KIFC3: variants seen among roughly 807,000 people sequenced by gnomAD.
KIFC3 encodes the protein kinesin-like protein KIFC3.
A neutral mutation model predicts 101.8 loss-of-function variants in KIFC3; 60 were observed. The observed-to-expected ratio is 0.59, with a 90% CI of 0.48 to 0.73. The LOEUF is 0.73. Among genes scored for constraint, KIFC3 ranks in the 30% least tolerant of loss-of-function variants. KIFC3 has a pLI of 0.00. For missense variants in KIFC3, 966 were observed against 1,137.1 expected, an observed-to-expected ratio of 0.85 and a Z score of 2.16; for synonymous variants, 476 against 482.7, an observed-to-expected ratio of 0.99 and a Z score of 0.18.
At chr16:57,766,006 A>G (rs536533789) in intron 10 of KIFC3, among the ~76,000 whole-genome samples, 4 of 152,326 alleles carry the variant, frequency 2.6e-5, no homozygotes, top group South Asian at 4.1e-4. Flanking sequence ...TTGGGCCCCA[A>G]TGAGCAAAGA....
At chr16:57,792,865 C>CAAAAAAAAAAAAAAAAA (rs35129462) in intron 3 of KIFC3, among the ~76,000 whole-genome samples, 1 of 38,424 alleles carries the variant, frequency 2.6e-5, no homozygotes, top group Non-Finnish European at 5.0e-5. Context: ...AGACCTTGCT[C>CAAAAAAAAAAAAAAAAA]AAAAAAAAAA....
chr16:57,802,972 T>C, upstream of KIFC3: 1 of 1,535,702 alleles, frequency 6.5e-7, no homozygotes, highest in African/African-American at 1.4e-5. This position sits in a 1 kb window ranked among gnomAD's most constrained non-coding sequence, Gnocchi z 5.0. Flanking sequence ...AGACAATACA[T>C]GTACATCCCT....
At chr16:57,828,575 C>T (rs1555631188) in intron 1 of KIFC3, among the ~76,000 whole-genome samples, 1 of 152,240 alleles carries the variant, frequency 6.6e-6, no homozygotes, top group Admixed American at 6.5e-5. Flanking sequence ...ACCAGGGTCC[C>T]AGCCTGGGTT....
At chr16:57,774,925 G>GC in intron 3 of KIFC3, 1 of 1,467,256 alleles carries the variant, frequency 6.8e-7, no homozygotes, top group Non-Finnish European at 9.0e-7. Flanking sequence ...CTCCTTCCAC[G>GC]CCCCCTCCCT....
chr16:57,853,580 T>C (rs1198451667), intron 1 of KIFC3, among the ~76,000 whole-genome samples: 1 of 152,198 alleles, frequency 6.6e-6, no homozygotes, highest in Non-Finnish European at 1.5e-5. Context: ...GTAAATAGTC[T>C]AAATACACCA....
At chr16:57,803,894 C>T (rs1457137146), upstream of KIFC3, among the ~76,000 whole-genome samples, 2 of 152,176 alleles carry the variant, frequency 1.3e-5, no homozygotes, top group Admixed American at 6.5e-5. Flanking sequence ...CAGCAGTGAT[C>T]CAGGGGACCG....
chr16:57,772,478 T>C (rs2051381386), intron 3 of KIFC3, 190 bp from the exon 4 acceptor site: 2 of 537,308 alleles, frequency 3.7e-6, no homozygotes, highest in East Asian at 3.2e-5. Context: ...GGGCTGGTGC[T>C]GACAGCCTCC....
At chr16:57,807,666 A>G (rs2054966492), upstream of KIFC3, 1 of 152,236 alleles carries the variant, frequency 6.6e-6, no homozygotes, top group Non-Finnish European at 1.5e-5. Context: ...TCTTTCCCCC[A>G]AGAAAATCAC....
At chr16:57,758,978 A>C (rs563095643) in intron 19 of KIFC3, 69 bp from the exon 20 acceptor site, 1 of 1,539,658 alleles carries the variant, frequency 6.5e-7, no homozygotes, top group Admixed American at 2.0e-5. Flanking sequence ...GTTGCCACCG[A>C]GAGCAGGAGG....
intron 3 of KIFC3, among the ~76,000 whole-genome samples, chr16:57,793,971 A>G (rs1555621495): frequency 6.6e-6 from 1 of 152,250 alleles, no homozygotes; most frequent in African/African-American, 2.4e-5. Flanking sequence ...CTGCCCTGTT[A>G]CAAGGCTAGT....
At chr16:57,831,321 C>G (rs1447717027) in intron 1 of KIFC3, among the ~76,000 whole-genome samples, 1 of 152,188 alleles carries the variant, frequency 6.6e-6, no homozygotes, top group Non-Finnish European at 1.5e-5. Context: ...CAACTCCCAC[C>G]CAGCGCCTTC....
intron 3 of KIFC3, chr16:57,779,244 C>T (rs982895244): frequency 1.3e-5 from 2 of 152,174 alleles, no homozygotes; most frequent in African/African-American, 4.8e-5. Flanking sequence ...TGCAATATTA[C>T]TCAGCCTTAA....
chr16:57,768,533 A>ACACACACACACG lies in KIFC3; in HGVS notation c.1218+1061_1218+1062insCGTGTGTGTGTG, dbSNP rs782552995. Among the ~76,000 whole-genome samples the ACACACACACACG allele has an allele frequency of 4.8e-3, 735 of 151,688 alleles. 9 individuals are homozygous for ACACACACACACG. The highest frequency in any genetic ancestry group is 0.027 in the South Asian group (127 of 4,764). ...CTCACACACACACACACACACACAC[A>ACACACACACACG]CACGCACAATTGGCTTAAGCATGCT... On this transcript the variant is annotated intron_variant, in intron 9 of 19. Transcript: ENST00000445690.
chr16:57,806,094 A>T (rs552864973), upstream of KIFC3, among the ~76,000 whole-genome samples: 1 of 152,296 alleles, frequency 6.6e-6, no homozygotes, highest in South Asian at 2.1e-4. Context: ...TCGTCAGAGA[A>T]GTGGCCAAGA....
chr16:57,774,687 T>TC, intron 3 of KIFC3: 1 of 323,046 alleles, frequency 3.1e-6, no homozygotes, highest in Non-Finnish European at 5.2e-6. Context: ...CACGCCCGGC[T>TC]AATTTTTTTT....
At chr16:57,813,623 G>A in intron 1 of KIFC3, 1 of 938,490 alleles carries the variant, frequency 1.1e-6, no homozygotes, top group South Asian at 4.9e-5. Context: ...CCTGCCGAGT[G>A]CCTGCATGAC....
rs554807227 is a variant in KIFC3, at chr16:57,851,336, G to C, written c.108+11393C>G. Among the ~76,000 whole-genome samples the C allele has an allele frequency of 6.6e-5, 10 of 152,124 alleles. No individual in the cohort carries two copies. In the East Asian group the frequency reaches 1.9e-3, roughly 29 times the overall value. On this transcript the variant is annotated intron_variant, in intron 1 of 2. Coordinates refer to the KIFC3 transcript ENST00000563028. Reference sequence around the variant, plus strand: ...GGCCTATTATTTTTCATCTCTCTCTGTTTGTTCTAGTTCCTGGAAAATTTC... The same window carrying C: ...GGCCTATTATTTTTCATCTCTCTCTCTTTGTTCTAGTTCCTGGAAAATTTC...
In KIFC3 at chr16:57,769,824, C is replaced by T; in HGVS notation, c.1071G>A (p.Val357=). 6.2e-7 allele frequency: 1 copy of T among 1,613,500 alleles called. No individual in the cohort carries two copies. The highest frequency in any genetic ancestry group is 8.5e-7 in the Non-Finnish European group (1 of 1,179,996). The part of the protein sequence containing the change: ...FARAQVEMKA[V]HENLAGVRTN... The stretch of plus-strand genomic sequence containing the variant: ...TCAGCTCACCTGCTAGATTCTCGTG[C>T]ACAGCCTTCATCTCCACCTGGGCTC... Residue 357 remains valine (V), a synonymous_variant, in exon 8 of 20, where the codon GTG becomes GTA. Transcript: ENST00000445690. This position sits in a 1 kb window ranked among gnomAD's most constrained non-coding sequence, Gnocchi z 4.3.
At chr16:57,793,230 G>C (rs2054023986) in intron 3 of KIFC3, among the ~76,000 whole-genome samples, 1 of 151,774 alleles carries the variant, frequency 6.6e-6, no homozygotes, top group Non-Finnish European at 1.5e-5. Flanking sequence ...AGGTTGCAGT[G>C]GGCTGCAATC....
Sources: allele counts gnomAD v4.1 joint callset (sites outside exome capture counted in the v4.1 genomes callset), GRCh38; gene constraint gnomAD v4.1.1; non-coding constraint Gnocchi (gnomAD v3.1); transcripts MANE v1.5; gene names NCBI Gene and HGNC (gene_info 2026-07-23, HGNC 2026-07-21).